Variants in PFKFB1 observed in about 807,000 individuals in gnomAD.
PFKFB1 encodes the protein 6-phosphofructo-2-kinase/fructose-2,6-bisphosphatase 1.
PFKFB1 carries 34 observed loss-of-function variants against 46.4 expected under a neutral mutation model. The observed-to-expected ratio is 0.73, with a 90% CI of 0.56 to 0.98. The LOEUF is 0.98. Ranked by LOEUF, PFKFB1 falls within the 50% of genes least tolerant of loss-of-function variation. The pLI, the probability that PFKFB1 is intolerant of heterozygous loss-of-function variation, is 0.00. For missense variants in PFKFB1, 393 were observed against 376.3 expected (o/e 1.04, Z -0.37); for synonymous variants, 119 against 133.8 (o/e 0.89, Z 0.76).
intron 1 of PFKFB1, among the ~76,000 whole-genome samples, chrX:54,985,165 T>C (rs1200259312): frequency 1.8e-5 from 2 of 111,117 alleles, no homozygotes; most frequent in Non-Finnish European, 3.8e-5. Context: ...GGCCAGCTTG[T>C]TCATCAGAGA....
At chrX:54,942,116 C>G (rs1933659705) in intron 10 of PFKFB1, among the ~76,000 whole-genome samples, 1 of 111,310 alleles carries the variant, frequency 9.0e-6, no homozygotes, top group Non-Finnish European at 1.9e-5. Flanking sequence ...AGCTGGAAAC[C>G]TTCATTCTCA....
intron 2 of PFKFB1, among the ~76,000 whole-genome samples, chrX:54,962,699 A>G (rs12009992): frequency 0.047 from 5,219 of 111,922 alleles, 322 homozygotes; most frequent in African/African-American, 0.16. Flanking sequence ...AAAAAGAATG[A>G]AGAAAAGGAG....
Position 54,933,885 on chromosome X carries a change from C to T in PFKFB1, c.1292G>A (p.Gly431Asp), listed in dbSNP as rs1159470533. Residue 431 changes from glycine to aspartate, a missense_variant and splice_region_variant, in exon 13 of 14, where the codon GGC (glycine) becomes GAC (aspartate). Physicochemically the swap from Gly to Asp is moderately conservative, Grantham distance 94. Coordinates refer to ENST00000375006, the MANE Select transcript of PFKFB1 (RefSeq NM_002625.4). ...CAGGTAGATGGATTCCACTTTGCAGCCTTAGAAAAGAACAATCCATCTGTC... is the reference window on the plus strand; with the variant it reads ...CAGGTAGATGGATTCCACTTTGCAGTCTTAGAAAAGAACAATCCATCTGTC... ...TVLKLTPVAY[G>D]CKVESIYLNV... is the part of the protein sequence containing the mutation. 7 of 1,207,753 alleles carry T rather than the reference C, an allele frequency of 5.8e-6. No homozygotes were observed. The highest frequency in any genetic ancestry group is 7.8e-6 in the Non-Finnish European group (7 of 892,023).
intron 10 of PFKFB1, among the ~76,000 whole-genome samples, chrX:54,940,107 A>C (rs867895416): frequency 8.8e-4 from 99 of 112,143 alleles, no homozygotes; most frequent in African/African-American, 3.2e-3. Context: ...CAATAAACAT[A>C]ATCCAGCATA....
intron 1 of PFKFB1, among the ~76,000 whole-genome samples, chrX:54,992,920 C>A (rs754555982): frequency 1.4e-3 from 151 of 111,702 alleles, no homozygotes; most frequent in African/African-American, 4.7e-3. Context: ...TCCACCCACA[C>A]CCTACCTCCT....
chrX:54,935,864 C>T (rs760821245), intron 11 of PFKFB1, among the ~76,000 whole-genome samples: 5 of 111,694 alleles, frequency 4.5e-5, no homozygotes, highest in Non-Finnish European at 3.8e-5. Flanking sequence ...CTGCACATAA[C>T]GCTACCCATT....
chrX:54,951,134 G>A (rs1258892127), intron 8 of PFKFB1, among the ~76,000 whole-genome samples: 1 of 113,177 alleles, frequency 8.8e-6, no homozygotes, highest in Non-Finnish European at 1.9e-5. Flanking sequence ...GGTCCTGCCA[G>A]CAGGAACAAT....
intron 11 of PFKFB1, among the ~76,000 whole-genome samples, chrX:54,936,668 G>T (rs1933405992): frequency 9.0e-6 from 1 of 111,518 alleles, no homozygotes; most frequent in Non-Finnish European, 1.9e-5. Flanking sequence ...ACCAGTGCAA[G>T]GACCCCCACC....
intron 1 of PFKFB1, among the ~76,000 whole-genome samples, chrX:54,993,038 G>A (rs1009307926): frequency 3.6e-5 from 4 of 111,556 alleles, no homozygotes; most frequent in Admixed American, 1.9e-4. Context: ...TAGCAGACTG[G>A]AAACTTGGTT....
chrX:54,993,825 G>C (rs1935305446), intron 1 of PFKFB1, 86 bp downstream of exon 1: 1 of 1,106,312 alleles, frequency 9.0e-7, no homozygotes, highest in South Asian at 2.3e-5. Context: ...GGTAGGAGTG[G>C]ATGGCAAGGG....
chrX:54,950,463 G>A (rs1180562071), intron 8 of PFKFB1, among the ~76,000 whole-genome samples: 1 of 112,241 alleles, frequency 8.9e-6, no homozygotes, highest in African/African-American at 3.2e-5. Context: ...CTGCGCAAGT[G>A]AGAGCTACCT....
chrX:54,966,074 G>A (rs1045515592), intron 1 of PFKFB1, among the ~76,000 whole-genome samples: 3 of 111,564 alleles, frequency 2.7e-5, no homozygotes, highest in Non-Finnish European at 5.7e-5. Flanking sequence ...CAGAAAGATG[G>A]TAGATTTTAA....
chrX:54,983,204 C>T (rs958507850), intron 1 of PFKFB1, among the ~76,000 whole-genome samples: 1 of 111,409 alleles, frequency 9.0e-6, no homozygotes, highest in Non-Finnish European at 1.9e-5. Context: ...GTGCAAGTTT[C>T]TTAGTGAGAT....
At chrX:54,988,936 T>C (rs1935172348) in intron 1 of PFKFB1, among the ~76,000 whole-genome samples, 1 of 112,125 alleles carries the variant, frequency 8.9e-6, no homozygotes, top group Non-Finnish European at 1.9e-5. Context: ...TGCTACAACA[T>C]GGATTAACCT....
intron 1 of PFKFB1, among the ~76,000 whole-genome samples, chrX:54,967,627 A>G (rs1349284117): frequency 6.6e-5 from 4 of 60,232 alleles, no homozygotes; most frequent in Non-Finnish European, 9.1e-5. Flanking sequence ...TCGACAAGAA[A>G]AAAACAAACA....
intron 1 of PFKFB1, among the ~76,000 whole-genome samples, chrX:54,992,864 T>C (rs1006451139): frequency 1.8e-5 from 2 of 111,621 alleles, no homozygotes. Flanking sequence ...CTGGTGGAGA[T>C]AAGAAAGAGA....
chrX:54,941,211 C>T (rs778336252), intron 10 of PFKFB1, among the ~76,000 whole-genome samples: 7 of 112,000 alleles, frequency 6.3e-5, no homozygotes, highest in African/African-American at 2.3e-4. Context: ...GAAACTGGAC[C>T]CCTTCCTTAC....
At chrX:54,945,394 C>T (rs1933769990) in intron 10 of PFKFB1, 45 bp downstream of exon 10, 3 of 722,021 alleles carry the variant, frequency 4.2e-6, no homozygotes, top group African/African-American at 2.1e-5. Context: ...GCAATGAAGA[C>T]ACTGGGGAGT....
chrX:54,947,926 A>AT (rs113193806), intron 9 of PFKFB1, among the ~76,000 whole-genome samples: 1,618 of 98,215 alleles, frequency 0.016, 22 homozygotes, highest in African/African-American at 0.039. Context: ...TTCCACCTTA[A>AT]TTTTTTTTTT....
Sources: allele counts gnomAD v4.1 joint callset (sites outside exome capture counted in the v4.1 genomes callset), GRCh38; gene constraint gnomAD v4.1.1; transcripts MANE v1.5; gene names NCBI Gene and HGNC (gene_info 2026-07-23, HGNC 2026-07-21).